SDK1: variants seen among roughly 807,000 people sequenced by gnomAD.
The protein encoded by SDK1 is sidekick cell adhesion molecule 1.
SDK1 carries 157 observed loss-of-function variants against 245.5 expected under a neutral mutation model. The observed-to-expected ratio is 0.64, with a 90% confidence interval of 0.56 to 0.73. The LOEUF is 0.73. Ranked by LOEUF, SDK1 falls within the 30% of genes least tolerant of loss-of-function variation. The pLI is 0.00. For missense variants in SDK1, 3,583 were observed against 3,002.3 expected (o/e 1.19, Z -4.52); for synonymous variants, 1,647 against 1,278.5 (o/e 1.29, Z -6.15).
chr7:4,054,093 C>A (rs957602928), intron 19 of SDK1, among the ~76,000 whole-genome samples: 1 of 151,032 alleles, frequency 6.6e-6, no homozygotes, highest in Non-Finnish European at 1.5e-5. Flanking sequence ...CACCGGCCAC[C>A]ACGTCTGGCC....
intron 4 of SDK1, among the ~76,000 whole-genome samples, chr7:3,779,052 G>C (rs955747841): frequency 4.6e-5 from 7 of 152,114 alleles, no homozygotes; most frequent in Non-Finnish European, 1.0e-4. Context: ...ATTAACAAAG[G>C]CAGTATTAAA....
chr7:3,380,565 G>T (rs1781460870), intron 1 of SDK1, among the ~76,000 whole-genome samples: 1 of 152,202 alleles, frequency 6.6e-6, no homozygotes, highest in South Asian at 2.1e-4. Context: ...GTATTAAGCT[G>T]CAAGTAACAA....
At position 3,576,721 on chromosome 7, in the gene SDK1, C is replaced by T. The variant is rs944558029; in HGVS notation, c.299-42359C>T. Reference sequence around the variant, plus strand: ...GCTGCATTTTGCCTGTGTTGAGCCACGTGCACAAACTAAGAAGTGTTTCTT... The same window carrying T: ...GCTGCATTTTGCCTGTGTTGAGCCATGTGCACAAACTAAGAAGTGTTTCTT... On this transcript the variant is annotated intron_variant, in intron 1 of 44. Transcript: ENST00000404826. Among the ~76,000 whole-genome samples the T allele has an allele frequency of 5.9e-5, 9 of 151,952 alleles. No homozygotes were observed. The East Asian group carries it at 7.7e-4, about 13-fold the overall frequency.
intron 4 of SDK1, among the ~76,000 whole-genome samples, chr7:3,666,301 G>T (rs10237270): frequency 0.37 from 55,913 of 152,046 alleles, 11,228 homozygotes; most frequent in African/African-American, 0.52. Context: ...AGGCAGCCAC[G>T]CTCAGCCTTG....
chr7:3,677,750 A>G (rs193066273), intron 4 of SDK1, among the ~76,000 whole-genome samples: 8 of 152,350 alleles, frequency 5.3e-5, no homozygotes, highest in South Asian at 2.1e-4. Context: ...AAGACTTACT[A>G]TGTTGCTGTG....
In SDK1 at chr7:3,301,496, C is replaced by T; in HGVS notation, c.-91C>T. 2.8e-6 allele frequency: 1 copy of T among 363,292 alleles called. No individual in the cohort carries two copies. The highest frequency in any genetic ancestry group is 3.8e-6 in the Non-Finnish European group (1 of 265,398). 22.5% of individuals were successfully genotyped at this position (363,292 alleles called of 1,614,324 possible). A position where few individuals can be genotyped will look rare whatever the true frequency, so the allele number is the denominator to read the frequency against. ...CCTCGGGCCGGGGGGCGCCGCGCCT[C>T]CCGCGGAGTGGCCGCGCCCGCTCGG... On this transcript the variant is annotated 5_prime_UTR_variant, in exon 1 of 45. Coordinates refer to ENST00000404826, the MANE Select transcript of SDK1 (RefSeq NM_152744.4).
intron 1 of SDK1, among the ~76,000 whole-genome samples, chr7:3,305,392 CATCCTT>C (rs1779390791): frequency 6.6e-6 from 1 of 152,174 alleles, no homozygotes; most frequent in South Asian, 2.1e-4. Flanking sequence ...ATTTCTCTGT[CATCCTT>C]AGCCTGATTT....
chr7:4,193,026 TA>T (rs904449238), intron 35 of SDK1, among the ~76,000 whole-genome samples: 11 of 142,632 alleles, frequency 7.7e-5, no homozygotes, highest in Middle Eastern at 3.7e-3. Flanking sequence ...AAATATATAA[TA>T]TAGATTATAT....
chr7:3,829,773 C>T (rs1257772987), intron 5 of SDK1, among the ~76,000 whole-genome samples: 1 of 152,132 alleles, frequency 6.6e-6, no homozygotes, highest in Non-Finnish European at 1.5e-5. Context: ...AAAAGGAAGT[C>T]TTCTGTTCTG....
At chr7:4,098,616 A>G (rs996348330) in intron 22 of SDK1, among the ~76,000 whole-genome samples, 8 of 151,950 alleles carry the variant, frequency 5.3e-5, no homozygotes, top group South Asian at 2.1e-4. Context: ...AGAATTCACA[A>G]TTTTCAGGAG....
chr7:3,879,851 C>T (rs1019011907), intron 5 of SDK1, among the ~76,000 whole-genome samples: 9 of 152,102 alleles, frequency 5.9e-5, no homozygotes, highest in South Asian at 4.1e-4. Context: ...AACCTTTGCG[C>T]GGCTGTCACA....
At chr7:4,224,972 G>T (rs1785336644) in intron 40 of SDK1, among the ~76,000 whole-genome samples, 1 of 107,634 alleles carries the variant, frequency 9.3e-6, no homozygotes, top group African/African-American at 3.5e-5. Context: ...AACAGAGTGA[G>T]ACTCTGTCTC....
chr7:3,363,338 G>C (rs1583746718), intron 1 of SDK1, among the ~76,000 whole-genome samples: 1 of 152,048 alleles, frequency 6.6e-6, no homozygotes, highest in Middle Eastern at 3.4e-3. Context: ...CATGGAAACT[G>C]TGTACCACAG....
At chr7:3,728,476 A>C (rs766930753) in intron 4 of SDK1, among the ~76,000 whole-genome samples, 1 of 152,096 alleles carries the variant, frequency 6.6e-6, no homozygotes, top group African/African-American at 2.4e-5. Context: ...ACATCTCACA[A>C]CTGTAGTCTT....
rs930559193 is a variant in SDK1, at chr7:4,208,229, A to G, written c.5345A>G (p.Asn1782Ser). 1.2e-5 allele frequency: 20 copies of G among 1,613,972 alleles called. No individual in the cohort carries two copies. The highest frequency in any genetic ancestry group is 3.3e-5 in the Admixed American group (2 of 59,992). ...TKYLVSISAF[N>S]AAGDGPKSDP... The stretch of plus-strand genomic sequence containing the variant: ...TACCTGGTCAGCATATCAGCCTTCA[A>G]CGCCGCCGGAGATGGACCTAAGAGT... The change falls in exon 37 of 45, where the codon AAC becomes AGC. Residue 1782 changes from asparagine to serine, a missense_variant. Transcript: ENST00000404826.
intron 1 of SDK1, among the ~76,000 whole-genome samples, chr7:3,608,991 C>G (rs1211715994): frequency 1.3e-5 from 2 of 152,116 alleles, no homozygotes; most frequent in African/African-American, 4.8e-5. Flanking sequence ...GTGTGAGAAT[C>G]TAGTTGTCCT....
intron 17 of SDK1, among the ~76,000 whole-genome samples, chr7:4,046,962 A>C (rs553851884): frequency 6.6e-6 from 1 of 152,122 alleles, no homozygotes; most frequent in African/African-American, 2.4e-5. Context: ...TTTTCTTCCA[A>C]TGCACCCATG....
chr7:4,208,715 G>A (rs944180480), intron 37 of SDK1, among the ~76,000 whole-genome samples: 16 of 152,190 alleles, frequency 1.1e-4, no homozygotes, highest in Non-Finnish European at 1.9e-4. Flanking sequence ...CCACAGCGAC[G>A]GGAATTCCCC....
rs558531467 is a variant in SDK1 at position 3,615,289 on chromosome 7, T to G, written c.299-3791T>G. 5.9e-5 allele frequency among the ~76,000 whole-genome samples: 9 copies of G among 151,836 alleles called. No individual in the cohort carries two copies. In the South Asian group the frequency reaches 1.7e-3, roughly 28 times the overall value. ...AAAGCTACCTCCATTGCAGTTCAGC[T>G]TTATTAGACTGTTTGGGTAATAAGA... On this transcript the variant is annotated intron_variant, in intron 1 of 44. Transcript: ENST00000404826.
Sources: gnomAD v4.1 joint callset for allele counts (sites outside exome capture counted in the v4.1 genomes callset) on GRCh38, gnomAD v4.1.1 for gene constraint, MANE v1.5 for transcripts, NCBI Gene and HGNC (gene_info 2026-07-23, HGNC 2026-07-21) for gene names.